The following C2orf81 variants were observed in gnomAD, a reference collection of about 807,000 sequenced individuals.
The protein encoded by C2orf81 is uncharacterized protein C2orf81.
Under a neutral mutation model 7.9 loss-of-function variants are expected in C2orf81, and 5 were observed. The ratio of observed to expected loss-of-function variants is 0.63; its 90% CI spans 0.33 to 1.33. The LOEUF (loss-of-function observed/expected upper bound fraction) is 1.33, where lower values mean the gene tolerates loss of function less well. Among genes scored for constraint, C2orf81 ranks in the 40% most tolerant of loss-of-function variants. The probability of loss-of-function intolerance (pLI) is 0.05; values close to 1 mark genes in which losing one functional copy is unlikely to be tolerated. For missense variants in C2orf81, 781 were observed against 830.4 expected (o/e 0.94, Z 0.73); for synonymous variants, 346 against 367.4 (o/e 0.94, Z 0.66).
chr2:74,414,985 G>T lies in C2orf81; in HGVS notation c.1192C>A (p.Gln398Lys), dbSNP rs1439496202. The T allele has an allele frequency of 6.5e-7, 1 of 1,548,930 alleles. No individual in the cohort carries two copies. The highest frequency in any genetic ancestry group is 2.4e-5 in the East Asian group (1 of 40,874). Residue 398 changes from glutamine (Q) to lysine (K), a missense_variant, in exon 3 of 3, where the codon CAA (glutamine) becomes AAA (lysine). Transcript: ENST00000684111. This position sits in a 1 kb window ranked among gnomAD's most constrained non-coding sequence, Gnocchi z 5.3. The stretch of plus-strand genomic sequence containing the variant: ...CGGTAGGCTTCCAAGGGGCGTGTTT[G>T]AGAGTCTGGGACCAGGACCTCAGCC... The part of the protein sequence containing the change: ...PLAEVLVPDS[Q>K]TRPLEAYRGR...
intron 1 of C2orf81, chr2:74,416,585 A>AAG: frequency 6.6e-6 from 1 of 151,648 alleles, no homozygotes; most frequent in South Asian, 1.7e-4. Context: ...AAAAAAAAAA[A>AAG]AAAAGAAAAA....
In C2orf81 at chr2:74,416,218, G is replaced by T. The variant is rs529534956; in HGVS notation, c.42C>A (p.Asp14Glu). 1 of 1,398,638 alleles carries T rather than the reference G, an allele frequency of 7.1e-7. No homozygotes were observed. The highest frequency in any genetic ancestry group is 1.4e-5 in the African/African-American group (1 of 69,774). 86.6% of individuals were successfully genotyped at this position (1,398,638 alleles called of 1,614,324 possible). A position where few individuals can be genotyped will look rare whatever the true frequency, so the allele number is the denominator to read the frequency against. ...EGSRQERQVRDRGVTRSKAEK... is the reference protein window; with the variant it reads ...EGSRQERQVRERGVTRSKAEK... Reference sequence around the variant, plus strand: ...CCGCCTTGGACCGGGTCACCCCGCGGTCTCGGACCTGCCTCTCCTGCCTCT... The same window carrying T: ...CCGCCTTGGACCGGGTCACCCCGCGTTCTCGGACCTGCCTCTCCTGCCTCT... Residue 14 changes from aspartate (D) to glutamate (E), a missense_variant, in exon 2 of 3, where the codon GAC becomes GAA. Coordinates refer to ENST00000684111, the MANE Select transcript of C2orf81 (RefSeq NM_001316764.3).
intron 1 of C2orf81, 94 bp from the exon 2 acceptor site, chr2:74,416,335 A>G: frequency 1.1e-6 from 1 of 893,138 alleles, no homozygotes; most frequent in South Asian, 1.6e-5. Flanking sequence ...CAAGTTGTCT[A>G]GTGGGAAGGA....
intron 1 of C2orf81, among the ~76,000 whole-genome samples, chr2:74,420,769 C>CTTTT (rs1676584701): frequency 1.7e-5 from 2 of 118,718 alleles, no homozygotes; most frequent in African/African-American, 7.7e-5. Context: ...CTTTCTTCTT[C>CTTTT]TTCTTTTTTT....
intron 1 of C2orf81, 117 bp downstream of exon 1, chr2:74,421,426 G>A: frequency 3.9e-6 from 1 of 257,374 alleles, no homozygotes; most frequent in South Asian, 1.7e-4. Flanking sequence ...AAACTCCCGC[G>A]CGGTGGGCGG....
At position 74,415,431 on chromosome 2, in the gene C2orf81, C is replaced by A; in HGVS notation, c.746G>T (p.Gly249Val). 1 of 1,534,718 alleles carries A rather than the reference C, an allele frequency of 6.5e-7. No homozygotes were observed. Among genetic ancestry groups the A allele is most frequent in the Non-Finnish European group, 8.8e-7 (1 of 1,135,484 alleles). ...GCTCAAGGACCCGGCCGAGGAGAGG[C>A]CTCTAGACTGGCCGTCCGCTTCCTC... ...PVEEADGQSRGLSSAGSLSAS... is the reference protein window; with the variant it reads ...PVEEADGQSRVLSSAGSLSAS... The change falls in exon 3 of 3, where the codon GGC (glycine) becomes GTC (valine). Residue 249 changes from glycine (G) to valine (V), a missense_variant. By Grantham distance (109) the Gly-to-Val change is moderately radical (BLOSUM62 -3). Coordinates refer to ENST00000684111, the MANE Select transcript of C2orf81 (RefSeq NM_001316764.3). The surrounding 1 kb of genome is among the most constrained non-coding windows in gnomAD (Gnocchi z 5.5).
chr2:74,416,102 A>C lies in C2orf81; in HGVS notation c.158T>G (p.Leu53Arg), dbSNP rs1676459506. The C allele has an allele frequency of 6.5e-7, 1 of 1,541,186 alleles. No individual in the cohort carries two copies. Among genetic ancestry groups the C allele is most frequent in the African/African-American group, 1.4e-5 (1 of 72,898 alleles). ...SEAEWMALTA[L>R]EEGEDVVGDI... ...CCCTACGACGTCCTCGCCCTCCTCG[A>C]GGGCTGTAAGCGCCATCCACTCGGC... Residue 53 changes from leucine (L) to arginine (R), a missense_variant, in exon 2 of 3, where the codon CTC becomes CGC. Transcript: ENST00000684111.
chr2:74,417,422 A>G (rs1308049435), intron 1 of C2orf81: 1 of 1,310,148 alleles, frequency 7.6e-7, no homozygotes, highest in South Asian at 1.2e-5. Context: ...TGCAATATGT[A>G]CTCAGATCCC....
intron 1 of C2orf81, chr2:74,418,455 A>C: frequency 6.7e-7 from 1 of 1,481,708 alleles, no homozygotes; most frequent in Non-Finnish European, 9.4e-7. Context: ...TCCCTTCTCT[A>C]AGGACTAGTT....
intron 1 of C2orf81, chr2:74,418,679 G>T (rs1252669982): frequency 1.9e-6 from 1 of 528,096 alleles, no homozygotes; most frequent in Non-Finnish European, 3.4e-6. Flanking sequence ...CCGGCTCAGG[G>T]GAGCTTAAAA....
Position 74,414,392 on chromosome 2 carries a change from T to C in C2orf81, c.1785A>G (p.Glu595=). 6.5e-7 allele frequency: 1 copy of C among 1,537,224 alleles called. No individual in the cohort carries two copies. Among genetic ancestry groups the C allele is most frequent in the Non-Finnish European group, 8.8e-7 (1 of 1,137,888 alleles). Residue 595 remains glutamate (E), a synonymous_variant, in exon 3 of 3, where the codon GAA becomes GAG. Coordinates refer to ENST00000684111, the MANE Select transcript of C2orf81 (RefSeq NM_001316764.3). The surrounding 1 kb of genome is among the most constrained non-coding windows in gnomAD (Gnocchi z 5.3). ...GCTCAACGGGAGGAAAGGTGCTACCTTCTTTGTCCTCTTGTTCAGGCACAC... is the reference window on the plus strand; with the variant it reads ...GCTCAACGGGAGGAAAGGTGCTACCCTCTTTGTCCTCTTGTTCAGGCACAC... ...SSGVPEQEDK[E]GSTFPPVEQH... is the part of the protein sequence containing the mutation.
At chr2:74,420,413 C>T (rs920324030) in intron 1 of C2orf81, among the ~76,000 whole-genome samples, 1 of 152,184 alleles carries the variant, frequency 6.6e-6, no homozygotes, top group African/African-American at 2.4e-5. Context: ...CCAAAATGTA[C>T]TTCCAAATGT....
rs1676409160 is a variant in C2orf81 at position 74,415,095 on chromosome 2, C to T, written c.1082G>A (p.Ser361Asn). The change falls in exon 3 of 3, where the codon AGC becomes AAC. Residue 361 changes from serine (S) to asparagine (N), a missense_variant. Transcript: ENST00000684111. The surrounding 1 kb of genome is among the most constrained non-coding windows in gnomAD (Gnocchi z 5.5). ...QRAGHSDVRL[S>N]AHHHRMRRKA... Reference sequence around the variant, plus strand: ...GCGGCGCATCCTGTGGTGGTGGGCGCTCAGCCGCACATCCGAGTGCCCGGC... The same window carrying T: ...GCGGCGCATCCTGTGGTGGTGGGCGTTCAGCCGCACATCCGAGTGCCCGGC... The T allele has an allele frequency of 1.9e-6, 3 of 1,543,750 alleles. No individual in the cohort carries two copies. The highest frequency in any genetic ancestry group is 2.6e-6 in the Non-Finnish European group (3 of 1,145,028).
At chr2:74,420,753 C>A (rs73951208) in intron 1 of C2orf81, among the ~76,000 whole-genome samples, 3 of 147,820 alleles carry the variant, frequency 2.0e-5, no homozygotes, top group African/African-American at 7.6e-5. Context: ...TCTTCAAATC[C>A]GTTTTCTTTC....
At chr2:74,417,280 C>A in intron 1 of C2orf81, 1 of 897,756 alleles carries the variant, frequency 1.1e-6, no homozygotes, top group Non-Finnish European at 1.6e-6. Flanking sequence ...ATTGGTGCCC[C>A]ATCTGAGGAG....
intron 1 of C2orf81, among the ~76,000 whole-genome samples, chr2:74,419,789 T>G (rs988452092): frequency 6.6e-6 from 1 of 152,260 alleles, no homozygotes; most frequent in African/African-American, 2.4e-5. Flanking sequence ...TTTTTGTTTT[T>G]GAGACGGAAT....
At position 74,416,226 on chromosome 2, in the gene C2orf81, C is replaced by G. The variant is rs1676465087; in HGVS notation, c.34G>C (p.Val12Leu). The change falls in exon 2 of 3, where the codon GTC becomes CTC. Residue 12 changes from valine (V) to leucine (L), a missense_variant. Val to Leu is a conservative substitution (Grantham distance 32). Transcript: ENST00000684111. ...AHEGSRQERQ[V>L]RDRGVTRSKA... is the part of the protein sequence containing the mutation. The stretch of plus-strand genomic sequence containing the variant: ...GACCGGGTCACCCCGCGGTCTCGGA[C>G]CTGCCTCTCCTGCCTCTGTGAGAAC... 18 of 1,373,540 alleles carry G rather than the reference C, an allele frequency of 1.3e-5. No individual in the cohort carries two copies. Among genetic ancestry groups the G allele is most frequent in the Non-Finnish European group, 1.6e-5 (17 of 1,039,412 alleles). The allele number at this position is 1,373,540 out of a possible 1,614,324, so 85.1% of individuals were successfully genotyped here.
At chr2:74,418,083 G>A (rs1232297524) in intron 1 of C2orf81, 2 of 617,436 alleles carry the variant, frequency 3.2e-6, no homozygotes, top group Non-Finnish European at 5.9e-6. Context: ...GAGGTGGGGG[G>A]TTGGGAGCAG....
intron 1 of C2orf81, among the ~76,000 whole-genome samples, chr2:74,419,649 A>T (rs1676547680): frequency 6.6e-6 from 1 of 152,246 alleles, no homozygotes; most frequent in Admixed American, 6.5e-5. Flanking sequence ...TTCTCCAACA[A>T]ATTCTCTGCG....
Sources: gnomAD v4.1 joint callset for allele counts (sites outside exome capture counted in the v4.1 genomes callset) on GRCh38, gnomAD v4.1.1 for gene constraint, Gnocchi (gnomAD v3.1) non-coding constraint, MANE v1.5 for transcripts, NCBI Gene and HGNC (gene_info 2026-07-23, HGNC 2026-07-21) for gene names.